The following ANKHD1 variants were observed in gnomAD, a reference collection of about 807,000 sequenced individuals.
The protein encoded by ANKHD1 is ankyrin repeat and KH domain containing 1.
ANKHD1 carries 31 observed loss-of-function variants against 230.5 expected under a neutral mutation model. The observed-to-expected ratio is 0.13, with a 90% CI of 0.10 to 0.18. The LOEUF (loss-of-function observed/expected upper bound fraction) is 0.18. Ranked by LOEUF, ANKHD1 falls within the 10% of genes least tolerant of loss-of-function variation. ANKHD1 has a pLI of 1.00. For synonymous variants in ANKHD1, 1,074 were observed against 1,117.6 expected (o/e 0.96, Z 0.78); for missense variants, 2,256 against 3,071.3 (o/e 0.73, Z 6.27).
rs1266414661 is a variant in ANKHD1 at position 140,471,719 on chromosome 5, G to A, written c.1782+6943G>A. Among the ~76,000 whole-genome samples, 5 of 152,270 alleles carry A rather than the reference G, an allele frequency of 3.3e-5. No homozygotes were observed. The South Asian group carries it at 8.3e-4, about 25-fold the overall frequency. On this transcript the variant is annotated intron_variant, in intron 10 of 33. Transcript: ENST00000360839. ...CCTTTAGATAGTTTCTCTCTGTTAA[G>A]AGTCTAGATCTAGAGAAAATACAAA... is the stretch of plus-strand genomic sequence containing the variant.
chr5:140,408,744 A>G (rs1770682020), intron 1 of ANKHD1, among the ~76,000 whole-genome samples: 1 of 151,930 alleles, frequency 6.6e-6, no homozygotes, highest in South Asian at 2.1e-4. Flanking sequence ...TTTTTTGCCC[A>G]GGCTGGCTGT....
chr5:140,429,628 A>G (rs1050657944), intron 1 of ANKHD1, among the ~76,000 whole-genome samples: 5 of 152,302 alleles, frequency 3.3e-5, no homozygotes, highest in Non-Finnish European at 7.4e-5. Flanking sequence ...ATAAACAAAT[A>G]TATGTAATGT....
intron 5 of ANKHD1, among the ~76,000 whole-genome samples, chr5:140,445,056 C>CTGGTCTCAAACTCCT (rs1485808437): frequency 1.3e-5 from 2 of 151,982 alleles, no homozygotes; most frequent in Non-Finnish European, 2.9e-5. Context: ...GTTGTTCAGG[C>CTGGTCTCAAACTCCT]TGGTCTCAAA....
rs200391806 is a variant in ANKHD1, at chr5:140,506,304, CT to C, written c.3408+444del. 6.6e-6 allele frequency among the ~76,000 whole-genome samples: 1 copy of C among 150,412 alleles called. No homozygotes were observed. Among genetic ancestry groups the C allele is most frequent in the East Asian group, 1.9e-4 (1 of 5,156 alleles). Reference sequence around the variant, plus strand: ...TAACTTTTATGGGAATGTAAATGCCCTTTTTTTTTGGCGGGGGTTTGTGGAG... The same window carrying C: ...TAACTTTTATGGGAATGTAAATGCCCTTTTTTTTGGCGGGGGTTTGTGGAG... On this transcript the variant is annotated intron_variant, in intron 18 of 33. Coordinates refer to ENST00000360839, the MANE Select transcript of ANKHD1 (RefSeq NM_017747.3). This position sits in a 1 kb window ranked among gnomAD's most constrained non-coding sequence, Gnocchi z 4.7.
chr5:140,449,696 G>A (rs1036844911), intron 7 of ANKHD1, among the ~76,000 whole-genome samples: 1 of 151,794 alleles, frequency 6.6e-6, no homozygotes, highest in African/African-American at 2.4e-5. Context: ...AATTGGTGTT[G>A]GGTTTATATA....
At chr5:140,493,477 G>T (rs2127031722) in intron 14 of ANKHD1, among the ~76,000 whole-genome samples, 1 of 152,206 alleles carries the variant, frequency 6.6e-6, no homozygotes, top group African/African-American at 2.4e-5. Context: ...TTTATTTTCT[G>T]GTATCTTATA....
chr5:140,524,037 G>T, intron 24 of ANKHD1, 29 bp from the exon 25 acceptor site: 1 of 1,543,732 alleles, frequency 6.5e-7, no homozygotes. Flanking sequence ...TGCCTTATTG[G>T]TAAAATTATA....
intron 25 of ANKHD1, among the ~76,000 whole-genome samples, chr5:140,524,757 C>T (rs1403404499): frequency 6.6e-6 from 1 of 151,884 alleles, no homozygotes; most frequent in African/African-American, 2.4e-5. Context: ...TGAAAAATGT[C>T]CTAAATTCAA....
At chr5:140,533,307 C>T (rs1399491126) in intron 29 of ANKHD1, among the ~76,000 whole-genome samples, 2 of 151,892 alleles carry the variant, frequency 1.3e-5, no homozygotes, top group African/African-American at 4.8e-5. Context: ...TCAAAGTTAG[C>T]TCAGTGTGGG....
intron 29 of ANKHD1, among the ~76,000 whole-genome samples, chr5:140,534,782 A>G (rs1371686628): frequency 1.3e-5 from 2 of 152,252 alleles, no homozygotes; most frequent in Non-Finnish European, 2.9e-5. Flanking sequence ...GAAGATGGCT[A>G]AGTTCAGATT....
rs540784406 is a variant in ANKHD1 at position 140,416,511 on chromosome 5, G to A, written c.306+14238G>A. Among the ~76,000 whole-genome samples the A allele has an allele frequency of 1.8e-4, 28 of 152,260 alleles. No individual in the cohort carries two copies. The South Asian group carries it at 5.8e-3, about 32-fold the overall frequency. ...TCAAAAATCAATTGACCATATATAA[G>A]TGGGTTTACTTTCTTGACTCTCTGA... On this transcript the variant is annotated intron_variant, in intron 1 of 33. Coordinates refer to ENST00000360839, the MANE Select transcript of ANKHD1 (RefSeq NM_017747.3).
At chr5:140,469,394 C>T (rs1776332261) in intron 10 of ANKHD1, among the ~76,000 whole-genome samples, 1 of 151,454 alleles carries the variant, frequency 6.6e-6, no homozygotes, top group Non-Finnish European at 1.5e-5. Context: ...GTCTGTAGTC[C>T]CAGCTACTCA....
chr5:140,495,727 A>G (rs1419601965), intron 14 of ANKHD1, among the ~76,000 whole-genome samples: 1 of 152,214 alleles, frequency 6.6e-6, no homozygotes, highest in African/African-American at 2.4e-5. Context: ...AAAATAATAT[A>G]CATTGCCATT....
Position 140,467,937 on chromosome 5 carries a change from C to T in ANKHD1, c.1782+3161C>T, listed in dbSNP as rs367771938. The stretch of plus-strand genomic sequence containing the variant: ...ATCTGTTTTGGGCTATAATAATTTC[C>T]TCCAGCAGTTTGCAGATAGAGGACT... On this transcript the variant is annotated intron_variant, in intron 10 of 33. Transcript: ENST00000360839. 2.2e-4 allele frequency among the ~76,000 whole-genome samples: 34 copies of T among 151,998 alleles called. 1 individual carries two copies. The South Asian group carries it at 7.1e-3, about 32-fold the overall frequency.
chr5:140,419,100 C>T (rs962635759), intron 1 of ANKHD1, among the ~76,000 whole-genome samples: 1 of 152,088 alleles, frequency 6.6e-6, no homozygotes, highest in Non-Finnish European at 1.5e-5. Context: ...CCATTCTTCT[C>T]ATCTTCACTA....
chr5:140,529,576 C>T lies in ANKHD1; in HGVS notation c.6630C>T (p.Phe2210=). 1 of 1,614,232 alleles carries T rather than the reference C, an allele frequency of 6.2e-7. No homozygotes were observed. The highest frequency in any genetic ancestry group is 8.5e-7 in the Non-Finnish European group (1 of 1,180,044). The change falls in exon 29 of 34, where the codon TTC becomes TTT. Residue 2210 remains phenylalanine (F), a synonymous_variant. Coordinates refer to ENST00000360839, the MANE Select transcript of ANKHD1 (RefSeq NM_017747.3). ...LPPTFGPATL[F]NHFSSLFDSS... ...CTACATTTGGCCCAGCCACACTTTT[C>T]AATCACTTCAGCAGTCTTTTTGATA...
chr5:140,524,547 TCTAA>T (rs1298295678), intron 25 of ANKHD1, among the ~76,000 whole-genome samples: 3 of 152,182 alleles, frequency 2.0e-5, no homozygotes, highest in Non-Finnish European at 4.4e-5. Flanking sequence ...GAGATTCTTC[TCTAA>T]CTCTTCCTCT....
rs763789661 is a variant in ANKHD1 at position 140,524,198 on chromosome 5, G to A, written c.4450G>A (p.Glu1484Lys). Reference sequence around the variant, plus strand: ...AGAAAACAAACCTAAGGAGAATTCGGAACTACCAGAGGATGAAGATGAAGA... The same window carrying A: ...AGAAAACAAACCTAAGGAGAATTCGAAACTACCAGAGGATGAAGATGAAGA... Reference protein sequence around the residue: ...DEENKPKENSELPEDEDEEEN... With the variant: ...DEENKPKENSKLPEDEDEEEN... Residue 1484 changes from glutamate to lysine, a missense_variant, in exon 25 of 34, where the codon GAA (glutamate) becomes AAA (lysine). By Grantham distance (56) the Glu-to-Lys change is moderately conservative (BLOSUM62 1). This residue lies in a region of ANKHD1 where 212 missense variants were observed against 257.3 expected (regional missense o/e 0.82). Transcript: ENST00000360839. 5.0e-6 allele frequency: 8 copies of A among 1,596,698 alleles called. No homozygotes were observed. The East Asian group carries it at 1.1e-4, about 22-fold the overall frequency.
At chr5:140,479,535 C>T (rs1156358928) in intron 10 of ANKHD1, among the ~76,000 whole-genome samples, 1 of 151,826 alleles carries the variant, frequency 6.6e-6, no homozygotes, top group Admixed American at 6.6e-5. Flanking sequence ...CCATTATATA[C>T]ATATATGCAT....
Sources: gnomAD v4.1 joint callset for allele counts (sites outside exome capture counted in the v4.1 genomes callset) on GRCh38, gnomAD v4.1.1 for gene constraint, gnomAD v4.1.1 regional missense constraint, Gnocchi (gnomAD v3.1) non-coding constraint, MANE v1.5 for transcripts, NCBI Gene and HGNC (gene_info 2026-07-23, HGNC 2026-07-21) for gene names.